BIRC6: variants seen among roughly 807,000 people sequenced by gnomAD.
BIRC6 encodes dual E2 ubiquitin-conjugating enzyme/E3 ubiquitin-protein ligase BIRC6.
A neutral mutation model predicts 503.3 loss-of-function variants in BIRC6; 98 were observed. The observed-to-expected ratio is 0.19, with a 90% CI of 0.17 to 0.23. The LOEUF (loss-of-function observed/expected upper bound fraction) is 0.23. BIRC6 is among the 10% of genes least tolerant of loss of function. BIRC6 has a pLI of 1.00. For missense variants in BIRC6, 5,360 were observed against 5,806.0 expected, an observed-to-expected ratio of 0.92 and a Z score of 2.50; for synonymous variants, 2,240 against 2,078.7, an observed-to-expected ratio of 1.08 and a Z score of -2.11.
chr2:32,380,362 T>C lies in BIRC6; in HGVS notation c.645+72T>C, dbSNP rs1558571003. ...CACCTCCATTCTTTTGCACTTTCCT[T>C]TCCTCTCCTTTTGGAAATGTTCTAA... On this transcript the variant is annotated intron_variant, in intron 3 of 73. Transcript: ENST00000421745. 1.4e-5 allele frequency: 20 copies of C among 1,448,246 alleles called. 1 individual carries two copies. The highest frequency in any genetic ancestry group is 1.5e-5 in the Non-Finnish European group (16 of 1,099,260). 89.7% of individuals were successfully genotyped at this position (1,448,246 alleles called of 1,614,324 possible).
Position 32,607,531 on chromosome 2 carries a change from G to GCAC in BIRC6, c.14148_14150dup (p.Thr4717dup), listed in dbSNP as rs768037725. Reference sequence around the variant, plus strand: ...GAACCGGGATATGAACGGTCTAGAGGCACTCCCAGTGGCACACAGAGTTCT... The same window carrying GCAC: ...GAACCGGGATATGAACGGTCTAGAGGCACCACTCCCAGTGGCACACAGAGTTCT... On this transcript the variant is annotated inframe_insertion, in exon 72 of 74. Transcript: ENST00000421745. 1 of 1,613,772 alleles carries GCAC rather than the reference G, an allele frequency of 6.2e-7. No homozygotes were observed. Among genetic ancestry groups the GCAC allele is most frequent in the Non-Finnish European group, 8.5e-7 (1 of 1,179,738 alleles).
At position 32,618,305 on chromosome 2, in the gene BIRC6, C is replaced by T. The variant is rs1026953423; in HGVS notation, c.*401C>T. 2 of 152,738 alleles carry T rather than the reference C, an allele frequency of 1.3e-5. No homozygotes were observed. The highest frequency in any genetic ancestry group is 2.1e-4 in the South Asian group (1 of 4,840). The allele number at this position is 152,738 out of a possible 1,614,324, so 9.5% of individuals were successfully genotyped here. ...CATTCTTACAACTACTATTTAAAGT[C>T]AGCAACTTTTCACTGAATTTGATAG... is the stretch of plus-strand genomic sequence containing the variant. On this transcript the variant is annotated 3_prime_UTR_variant, in exon 74 of 74. Coordinates refer to ENST00000421745, the MANE Select transcript of BIRC6 (RefSeq NM_016252.4).
rs542588428 is a variant in BIRC6, at chr2:32,539,154, A to G, written c.12292-4087A>G. 1.6e-4 allele frequency among the ~76,000 whole-genome samples: 25 copies of G among 152,372 alleles called. 1 individual carries two copies. The South Asian group carries it at 4.8e-3, about 29-fold the overall frequency. ...AATCACTATGAAAGTATTAATTCAG[A>G]ATAAGTCATAACAATCCTAAATTTG... On this transcript the variant is annotated intron_variant, in intron 61 of 73. Transcript: ENST00000421745.
chr2:32,579,463 C>T (rs557050952), intron 66 of BIRC6, among the ~76,000 whole-genome samples: 70 of 152,042 alleles, frequency 4.6e-4, no homozygotes, highest in African/African-American at 1.6e-3. Context: ...TTAGGTGGGA[C>T]GATCACTTGA....
At chr2:32,365,456 A>G (rs1302214258) in intron 1 of BIRC6, among the ~76,000 whole-genome samples, 1 of 151,360 alleles carries the variant, frequency 6.6e-6, no homozygotes, top group African/African-American at 2.4e-5. Context: ...AATAGTTGGG[A>G]TTACAGGCGT....
At chr2:32,373,800 G>A (rs553297199) in intron 1 of BIRC6, among the ~76,000 whole-genome samples, 3 of 152,352 alleles carry the variant, frequency 2.0e-5, no homozygotes, top group South Asian at 2.1e-4. Context: ...AGTGTTCATA[G>A]CAGCACTCTT....
At chr2:32,437,255 A>C (rs995968529) in intron 15 of BIRC6, among the ~76,000 whole-genome samples, 11 of 152,250 alleles carry the variant, frequency 7.2e-5, no homozygotes, top group African/African-American at 2.6e-4. Context: ...GTCATAAACA[A>C]ATGCAGATTA....
At chr2:32,602,684 C>A (rs1289254665) in intron 70 of BIRC6, 1 of 240,752 alleles carries the variant, frequency 4.2e-6, no homozygotes, top group Non-Finnish European at 7.9e-6. Context: ...CCACACTATA[C>A]CCCATAAATA....
In BIRC6 at chr2:32,357,882, G is replaced by A. The variant is rs62136264; in HGVS notation, c.325+396G>A. Among the ~76,000 whole-genome samples, 9,119 of 152,216 alleles carry A rather than the reference G, an allele frequency of 0.06. 440 individuals are homozygous for A. Among genetic ancestry groups the A allele is most frequent in the Admixed American group, 0.14 (2,198 of 15,288 alleles). The stretch of plus-strand genomic sequence containing the variant: ...GCGAAAGGCTGGAAGGGTTGACCCC[G>A]GGCGGAGAGGCTGGTGGCCGGAGGC... On this transcript the variant is annotated intron_variant, in intron 1 of 73. Transcript: ENST00000421745. The surrounding 1 kb of genome is among the most constrained non-coding windows in gnomAD (Gnocchi z 4.9).
At chr2:32,570,679 TA>T (rs1407372698) in intron 65 of BIRC6, among the ~76,000 whole-genome samples, 2 of 146,156 alleles carry the variant, frequency 1.4e-5, no homozygotes, top group African/African-American at 2.5e-5. Flanking sequence ...TTTGTATTTT[TA>T]GTAGAGATGG....
chr2:32,413,724 C>A (rs2042138583), intron 9 of BIRC6, among the ~76,000 whole-genome samples: 3 of 148,966 alleles, frequency 2.0e-5, no homozygotes, highest in Admixed American at 6.7e-5. Flanking sequence ...AGAAAAAAAA[C>A]AGCCTGGTAT....
chr2:32,453,221 T>A (rs2046900248), intron 22 of BIRC6, among the ~76,000 whole-genome samples: 1 of 152,208 alleles, frequency 6.6e-6, no homozygotes, highest in Non-Finnish European at 1.5e-5. Context: ...GGTTTTTTCT[T>A]TTAAAAACTA....
rs1245402422 is a variant in BIRC6, at chr2:32,453,818, G to A, written c.4629G>A (p.Lys1543=). The change falls in exon 23 of 74, where the codon AAG becomes AAA. Residue 1543 remains lysine (K), a synonymous_variant. Transcript: ENST00000421745. ...DLSDVLSGNG[K]VSSCTAAEGS... is the part of the protein sequence containing the mutation. Reference sequence around the variant, plus strand: ...GTCTTTTGCCATTAGGAAATGGAAAGGTCAGTAGTTGCACAGCTGCTGAGG... The same window carrying A: ...GTCTTTTGCCATTAGGAAATGGAAAAGTCAGTAGTTGCACAGCTGCTGAGG... 5 of 1,613,400 alleles carry A rather than the reference G, an allele frequency of 3.1e-6. No homozygotes were observed. Among genetic ancestry groups the A allele is most frequent in the Non-Finnish European group, 2.5e-6 (3 of 1,179,588 alleles).
chr2:32,439,798 G>T, intron 16 of BIRC6, 112 bp downstream of exon 16: 3 of 921,454 alleles, frequency 3.3e-6, no homozygotes, highest in South Asian at 2.3e-5. Flanking sequence ...CTATACGCTT[G>T]GTTTGTTTGT....
In BIRC6 at chr2:32,443,603, T is replaced by C. The variant is rs371712982; in HGVS notation, c.4336+15T>C. 4 of 1,544,464 alleles carry C rather than the reference T, an allele frequency of 2.6e-6. No individual in the cohort carries two copies. The African/African-American group carries it at 5.4e-5, about 21-fold the overall frequency. On this transcript the variant is annotated intron_variant, in intron 20 of 73. Transcript: ENST00000421745. ...AACAACTGGTGGTATGTAAAATTAATTTAATCACAAATAGTTATAGTCATA... is the reference window on the plus strand; with the variant it reads ...AACAACTGGTGGTATGTAAAATTAACTTAATCACAAATAGTTATAGTCATA...
chr2:32,611,108 C>CTTTTTTTTTTTTTTTTTTTTTT lies in BIRC6; in HGVS notation c.14260-329_14260-328insTTTTTTTTTTTTTTTTTTTTTT, dbSNP rs1245765148. Reference sequence around the variant, plus strand: ...AATATTGTAGAGTTGATTAAATTGCCTTTTTTTTTTTGTTTGAGATGGAGG... The same window carrying CTTTTTTTTTTTTTTTTTTTTTT: ...AATATTGTAGAGTTGATTAAATTGCCTTTTTTTTTTTTTTTTTTTTTTTTTTTTTTTTTGTTTGAGATGGAGG... On this transcript the variant is annotated intron_variant, in intron 72 of 73. Coordinates refer to ENST00000421745, the MANE Select transcript of BIRC6 (RefSeq NM_016252.4). Among the ~76,000 whole-genome samples, 18 of 126,166 alleles carry CTTTTTTTTTTTTTTTTTTTTTT rather than the reference C, an allele frequency of 1.4e-4. 1 individual carries two copies. The highest frequency in any genetic ancestry group is 1.3e-3 in the Admixed American group (15 of 11,982). The allele number at this position is 126,166 out of a possible 152,430, so 82.8% of individuals were successfully genotyped here.
intron 10 of BIRC6, among the ~76,000 whole-genome samples, chr2:32,425,873 C>T (rs1294030755): frequency 3.9e-5 from 6 of 152,324 alleles, no homozygotes; most frequent in South Asian, 4.1e-4. Flanking sequence ...CCCTCCTGTC[C>T]GCCCTGGCAC....
At chr2:32,367,307 A>T (rs2035089791) in intron 1 of BIRC6, among the ~76,000 whole-genome samples, 2 of 151,908 alleles carry the variant, frequency 1.3e-5, no homozygotes. Flanking sequence ...TACTAAAAAT[A>T]CAAAATTGGC....
chr2:32,368,920 G>A (rs2035373542), intron 1 of BIRC6, among the ~76,000 whole-genome samples: 1 of 152,174 alleles, frequency 6.6e-6, no homozygotes, highest in Non-Finnish European at 1.5e-5. Context: ...CCAAAGTGCT[G>A]GGATTACAGG....
Sources: allele counts gnomAD v4.1 joint callset (sites outside exome capture counted in the v4.1 genomes callset), GRCh38; gene constraint gnomAD v4.1.1; non-coding constraint Gnocchi (gnomAD v3.1); transcripts MANE v1.5; gene names NCBI Gene and HGNC (gene_info 2026-07-23, HGNC 2026-07-21).